The following CFAP74 variants were observed in gnomAD, a reference collection of about 807,000 sequenced individuals.
CFAP74 encodes the protein cilia and flagella associated protein 74.
In CFAP74, 124 loss-of-function variants were observed where a neutral mutation model predicts 188.9. The ratio of observed to expected loss-of-function variants is 0.66; its 90% CI spans 0.57 to 0.76. The LOEUF (loss-of-function observed/expected upper bound fraction) is 0.76, where lower values mean the gene tolerates loss of function less well. CFAP74 is among the 30% of genes least tolerant of loss of function. CFAP74 has a pLI of 0.00. For synonymous variants in CFAP74, 956 were observed against 916.7 expected (o/e 1.04, Z -0.77); for missense variants, 2,198 against 2,165.2 (o/e 1.02, Z -0.30).
chr1:1,975,269 T>C lies in CFAP74; in HGVS notation c.501-1071A>G, dbSNP rs961839920. 3.3e-5 allele frequency among the ~76,000 whole-genome samples: 5 copies of C among 152,210 alleles called. No homozygotes were observed. The highest frequency in any genetic ancestry group is 7.4e-5 in the Non-Finnish European group (5 of 68,024). ...GTGAATAAAGTCTGCTTTACATCTT[T>C]TTGAAAAAATCATGAACATATGTTG... On this transcript the variant is annotated intron_variant, in intron 6 of 38. Coordinates refer to ENST00000682832, the MANE Select transcript of CFAP74 (RefSeq NM_001304360.2). This position sits in a 1 kb window ranked among gnomAD's most constrained non-coding sequence, Gnocchi z 4.5.
Position 1,956,618 on chromosome 1 carries a change from A to G in CFAP74, c.2016+2T>C, listed in dbSNP as rs191790164. On this transcript the variant is annotated splice_donor_variant, in intron 17 of 38. Coordinates refer to ENST00000682832, the MANE Select transcript of CFAP74 (RefSeq NM_001304360.2). LOFTEE classifies it high-confidence loss of function. Reference sequence around the variant, plus strand: ...TCCCCCATGGCTGAGTGGCACACTCACTAATTTCAGGGCAGACTGGGAGTC... The same window carrying G: ...TCCCCCATGGCTGAGTGGCACACTCGCTAATTTCAGGGCAGACTGGGAGTC... The G allele has an allele frequency of 2.3e-4, 378 of 1,614,132 alleles. 1 individual carries two copies. The African/African-American group carries it at 4.7e-3, about 20-fold the overall frequency.
intron 6 of CFAP74, among the ~76,000 whole-genome samples, chr1:1,977,130 G>A (rs1268046669): frequency 2.6e-5 from 4 of 152,120 alleles, no homozygotes; most frequent in South Asian, 4.1e-4. Context: ...TTACAGATGT[G>A]AGCCACCTCG....
rs772681922 is a variant in CFAP74, at chr1:1,925,784, T to C, written c.4103A>G (p.Lys1368Arg). 5 of 1,611,042 alleles carry C rather than the reference T, an allele frequency of 3.1e-6. No individual in the cohort carries two copies. The highest frequency in any genetic ancestry group is 3.3e-5 in the Admixed American group (2 of 59,896). The change falls in exon 33 of 39, where the codon AAG becomes AGG. Residue 1368 changes from lysine to arginine, a missense_variant and splice_region_variant. Transcript: ENST00000682832. ...IAGESVSSGF[K>R]LQNNSLLPIK... ...CACCAGGGCCCACGTGTGCTTCACC[T>C]TGAAGCCTGAGGACACAGACTCTCC...
chr1:1,925,761 C>A, intron 33 of CFAP74, 22 bp downstream of exon 33: 1 of 1,601,258 alleles, frequency 6.2e-7, no homozygotes, highest in Admixed American at 1.7e-5. Context: ...GGAGCCAGCA[C>A]CAGGGCCCAC....
At chr1:1,949,624 CCCCA>C (rs1302443909) in intron 18 of CFAP74, among the ~76,000 whole-genome samples, 1 of 152,106 alleles carries the variant, frequency 6.6e-6, no homozygotes, top group Non-Finnish European at 1.5e-5. Context: ...CACTGAATGG[CCCCA>C]CCGTGCCCAC....
chr1:2,003,028 A>C (rs1457632907), intron 1 of CFAP74, among the ~76,000 whole-genome samples: 2 of 152,218 alleles, frequency 1.3e-5, no homozygotes, highest in Non-Finnish European at 2.9e-5. Context: ...AGAAAAAGTC[A>C]GCCATGGTCA....
At chr1:1,981,466 C>G (rs912902311) in intron 6 of CFAP74, among the ~76,000 whole-genome samples, 1 of 109,502 alleles carries the variant, frequency 9.1e-6, no homozygotes, top group Non-Finnish European at 2.0e-5. Context: ...CGCAGGACAC[C>G]CAGCCGCGGT....
intron 1 of CFAP74, among the ~76,000 whole-genome samples, chr1:1,999,870 A>G (rs1658110466): frequency 6.6e-6 from 1 of 151,660 alleles, no homozygotes; most frequent in African/African-American, 2.4e-5. Context: ...AGGGAAAGTT[A>G]AAGAAAACCT....
intron 1 of CFAP74, among the ~76,000 whole-genome samples, chr1:1,994,097 C>T (rs995337668): frequency 1.1e-4 from 16 of 148,848 alleles, no homozygotes; most frequent in Non-Finnish European, 2.2e-4. Flanking sequence ...CCCAGGAGGT[C>T]GAGGCTGCCG....
chr1:1,959,066 G>T, intron 16 of CFAP74, 54 bp downstream of exon 16: 1 of 1,292,400 alleles, frequency 7.7e-7, no homozygotes, highest in Non-Finnish European at 1.1e-6. Context: ...CCCCCACTGG[G>T]GTTCCCAGCC....
chr1:1,988,182 A>G (rs1410657355), intron 4 of CFAP74: 3 of 533,564 alleles, frequency 5.6e-6, no homozygotes, highest in Middle Eastern at 2.9e-4. Flanking sequence ...GCTTTAACAT[A>G]ATTTAGCACA....
chr1:1,955,926 G>A, intron 17 of CFAP74, 76 bp from the exon 18 acceptor site: 1 of 1,527,660 alleles, frequency 6.5e-7, no homozygotes, highest in Non-Finnish European at 8.8e-7. Context: ...GAACTCCCAT[G>A]AGGACAGGCC....
chr1:1,945,034 A>G (rs1297084812), intron 20 of CFAP74, among the ~76,000 whole-genome samples: 1 of 152,234 alleles, frequency 6.6e-6, no homozygotes, highest in African/African-American at 2.4e-5. Flanking sequence ...ATGGCCGAGC[A>G]CAGTGGTTCA....
intron 10 of CFAP74, among the ~76,000 whole-genome samples, chr1:1,969,624 C>G (rs1356206152): frequency 6.6e-6 from 1 of 152,250 alleles, no homozygotes; most frequent in Non-Finnish European, 1.5e-5. Context: ...CTCACTGCAG[C>G]TGCACTTCCC....
At position 1,942,791 on chromosome 1, in the gene CFAP74, C is replaced by A. The variant is rs1653474710; in HGVS notation, c.2487-635G>T. Reference sequence around the variant, plus strand: ...TCCCTCCCCTCCCCCGTCTTGGAGCCTCTGCTAAACAGTGTTGTGGCCGCC... The same window carrying A: ...TCCCTCCCCTCCCCCGTCTTGGAGCATCTGCTAAACAGTGTTGTGGCCGCC... On this transcript the variant is annotated intron_variant, in intron 21 of 38. Coordinates refer to ENST00000682832, the MANE Select transcript of CFAP74 (RefSeq NM_001304360.2). The surrounding 1 kb of genome is among the most constrained non-coding windows in gnomAD (Gnocchi z 4.3). 6.6e-6 allele frequency among the ~76,000 whole-genome samples: 1 copy of A among 152,186 alleles called. No individual in the cohort carries two copies. The highest frequency in any genetic ancestry group is 2.1e-4 in the South Asian group (1 of 4,834).
intron 22 of CFAP74, 61 bp from the exon 23 acceptor site, chr1:1,940,464 G>T: frequency 1.7e-6 from 2 of 1,183,462 alleles, no homozygotes; most frequent in South Asian, 3.0e-5. Flanking sequence ...ATGACAATAA[G>T]ACCCACTGTC....
At chr1:1,946,569 G>A in intron 19 of CFAP74, 130 bp from the exon 20 acceptor site, 1 of 1,169,428 alleles carries the variant, frequency 8.6e-7, no homozygotes, top group Non-Finnish European at 1.2e-6. Context: ...TGGCCACTTG[G>A]CCACAGATGT....
At chr1:1,955,269 G>A (rs1558021944) in intron 18 of CFAP74, 4 of 1,293,682 alleles carry the variant, frequency 3.1e-6, no homozygotes, top group Non-Finnish European at 4.0e-6. Context: ...CTGCAGGGCA[G>A]GAGGCATGGG....
At chr1:1,996,920 CAAAAA>C (rs200261557) in intron 1 of CFAP74, among the ~76,000 whole-genome samples, 1 of 84,636 alleles carries the variant, frequency 1.2e-5, no homozygotes, top group Admixed American at 1.4e-4. Flanking sequence ...GACTCTGTCT[CAAAAA>C]AAAAAAAAAA....
Sources: gnomAD v4.1 joint callset for allele counts (sites outside exome capture counted in the v4.1 genomes callset) on GRCh38, gnomAD v4.1.1 for gene constraint, Gnocchi (gnomAD v3.1) non-coding constraint, MANE v1.5 for transcripts, NCBI Gene and HGNC (gene_info 2026-07-23, HGNC 2026-07-21) for gene names.